Variants in SDHC observed in about 807,000 individuals in gnomAD.
SDHC encodes succinate dehydrogenase complex subunit C.
Under a neutral mutation model 22.6 loss-of-function variants are expected in SDHC, and 11 were observed. The ratio of observed to expected loss-of-function variants is 0.49; its 90% CI spans 0.31 to 0.81. SDHC has a LOEUF of 0.81. SDHC is among the 30% of genes least tolerant of loss of function. The pLI is 0.05. For synonymous variants in SDHC, 80 were observed against 77.8 expected (o/e 1.03, Z -0.15); for missense variants, 160 against 212.0 (o/e 0.75, Z 1.52).
At chr1:161,362,259 T>G in intron 5 of SDHC, 70 bp from the exon 6 acceptor site, 1 of 1,541,554 alleles carries the variant, frequency 6.5e-7, no homozygotes, top group Non-Finnish European at 8.8e-7. Context: ...GTAGAATTAC[T>G]TTCTGAGACA....
At chr1:161,328,773 T>A (rs1251513611) in intron 3 of SDHC, among the ~76,000 whole-genome samples, 5 of 152,214 alleles carry the variant, frequency 3.3e-5, no homozygotes, top group Non-Finnish European at 7.3e-5. Context: ...ATAATTCCCA[T>A]TAATTAAAAC....
At chr1:161,359,581 G>C (rs1672422548) in intron 5 of SDHC, among the ~76,000 whole-genome samples, 1 of 152,336 alleles carries the variant, frequency 6.6e-6, no homozygotes, top group East Asian at 1.9e-4. Context: ...CAATATGGGG[G>C]TAAGAGAGGG....
chr1:161,326,180 C>T (rs1457407016), intron 2 of SDHC, among the ~76,000 whole-genome samples: 3 of 151,522 alleles, frequency 2.0e-5, no homozygotes, highest in African/African-American at 7.3e-5. Flanking sequence ...CCAGTTTGGC[C>T]ACAGAGCGAG....
chr1:161,354,025 A>G (rs1672182282), intron 4 of SDHC, among the ~76,000 whole-genome samples: 1 of 151,624 alleles, frequency 6.6e-6, no homozygotes, highest in East Asian at 1.9e-4. Flanking sequence ...TTTTTGTCTT[A>G]TTTTTAGTAG....
chr1:161,324,852 T>C (rs926834869), intron 2 of SDHC, among the ~76,000 whole-genome samples: 3 of 152,190 alleles, frequency 2.0e-5, no homozygotes, highest in Non-Finnish European at 4.4e-5. Context: ...TGAACTCTTA[T>C]CTGATACACA....
At chr1:161,351,759 T>C (rs1320408164) in intron 4 of SDHC, among the ~76,000 whole-genome samples, 1 of 152,226 alleles carries the variant, frequency 6.6e-6, no homozygotes, top group African/African-American at 2.4e-5. Context: ...TACATCATGA[T>C]GAGATTAGTG....
chr1:161,356,968 T>C (rs1298896402), intron 5 of SDHC, 128 bp downstream of exon 5: 1 of 966,998 alleles, frequency 1.0e-6, no homozygotes, highest in Admixed American at 2.0e-5. Flanking sequence ...TCTCGCTCTA[T>C]TGCCCAGGCT....
chr1:161,323,883 A>G (rs1312438217), intron 2 of SDHC, among the ~76,000 whole-genome samples: 1 of 151,956 alleles, frequency 6.6e-6, no homozygotes, highest in African/African-American at 2.4e-5. Context: ...TTTTTAGTAG[A>G]GACAGGGTTT....
At chr1:161,334,921 T>C (rs1466240145) in intron 3 of SDHC, among the ~76,000 whole-genome samples, 1 of 152,238 alleles carries the variant, frequency 6.6e-6, no homozygotes, top group Non-Finnish European at 1.5e-5. Context: ...GTCTCCAAAG[T>C]ACAACCATCA....
chr1:161,339,305 C>T (rs1671616875), intron 3 of SDHC, among the ~76,000 whole-genome samples: 1 of 152,050 alleles, frequency 6.6e-6, no homozygotes, highest in Admixed American at 6.6e-5. Flanking sequence ...ACTTCAGTCT[C>T]CCAAGTAGCT....
rs557476255 is a variant in SDHC at position 161,317,611 on chromosome 1, G to A, written c.20+3186G>A. Among the ~76,000 whole-genome samples the A allele has an allele frequency of 1.4e-4, 20 of 143,210 alleles. No homozygotes were observed. The South Asian group carries it at 3.6e-3, about 26-fold the overall frequency. 94.0% of individuals were successfully genotyped at this position (143,210 alleles called of 152,430 possible). The stretch of plus-strand genomic sequence containing the variant: ...GAGTCTCACCCTGTCGCCCAGGCTG[G>A]AGTGCAGTGGCGCAATCTCAGCTCA... On this transcript the variant is annotated intron_variant, in intron 1 of 5. Transcript: ENST00000367975.
intron 1 of SDHC, among the ~76,000 whole-genome samples, chr1:161,315,414 G>C (rs1670570219): frequency 6.6e-6 from 1 of 152,148 alleles, no homozygotes; most frequent in Admixed American, 6.5e-5. Flanking sequence ...TTTTCTCCCT[G>C]TTTTTCATCT....
intron 4 of SDHC, among the ~76,000 whole-genome samples, chr1:161,350,564 C>T (rs1414757092): frequency 6.6e-6 from 1 of 152,024 alleles, no homozygotes; most frequent in Non-Finnish European, 1.5e-5. Flanking sequence ...TTTCATGTTT[C>T]AATTATACCC....
intron 2 of SDHC, 110 bp from the exon 3 acceptor site, chr1:161,328,286 G>A (rs1357961267): frequency 1.1e-5 from 10 of 879,530 alleles, no homozygotes; most frequent in African/African-American, 4.9e-5. Flanking sequence ...ACAGGCCTGA[G>A]CAACCATGCC....
At chr1:161,339,085 T>A (rs1314418293) in intron 3 of SDHC, among the ~76,000 whole-genome samples, 1 of 152,184 alleles carries the variant, frequency 6.6e-6, no homozygotes, top group Non-Finnish European at 1.5e-5. Flanking sequence ...CCTGACCTCA[T>A]GATCCACCCG....
chr1:161,362,094 C>G (rs1037111958), intron 5 of SDHC, among the ~76,000 whole-genome samples: 1 of 151,986 alleles, frequency 6.6e-6, no homozygotes, highest in Non-Finnish European at 1.5e-5. Flanking sequence ...AACATTCCTC[C>G]TACCATCACC....
At chr1:161,320,286 T>G (rs1171232518) in intron 1 of SDHC, among the ~76,000 whole-genome samples, 2 of 152,160 alleles carry the variant, frequency 1.3e-5, no homozygotes, top group Non-Finnish European at 2.9e-5. Context: ...AGTTGGGTGG[T>G]AATAATCATT....
At chr1:161,316,583 ATCTC>A (rs970811985) in intron 1 of SDHC, among the ~76,000 whole-genome samples, 1 of 152,208 alleles carries the variant, frequency 6.6e-6, no homozygotes, top group Non-Finnish European at 1.5e-5. Context: ...TAACAATCTG[ATCTC>A]TCTTTCTTTT....
chr1:161,330,017 T>C (rs1671217592), intron 3 of SDHC, among the ~76,000 whole-genome samples: 1 of 152,226 alleles, frequency 6.6e-6, no homozygotes, highest in Admixed American at 6.5e-5. Flanking sequence ...TAATAATATC[T>C]GCAAAGTTCT....
Sources: allele counts gnomAD v4.1 joint callset (sites outside exome capture counted in the v4.1 genomes callset), GRCh38; gene constraint gnomAD v4.1.1; transcripts MANE v1.5; gene names NCBI Gene and HGNC (gene_info 2026-07-23, HGNC 2026-07-21).